Variants in BZW1 observed in about 807,000 individuals in gnomAD.
The protein encoded by BZW1 is eIF5-mimic protein 2.
In BZW1, 3 loss-of-function variants were observed where a neutral mutation model predicts 54.1. That is an observed-to-expected ratio of 0.06 (90% CI 0.03 to 0.14). BZW1 has a LOEUF of 0.14. Among genes scored for constraint, BZW1 ranks in the 10% least tolerant of loss-of-function variants. The pLI, the probability that BZW1 is intolerant of heterozygous loss-of-function variation, is 1.00. For missense variants in BZW1, 206 were observed against 491.7 expected (o/e 0.42, Z 5.50); for synonymous variants, 152 against 162.7 (o/e 0.93, Z 0.50).
In BZW1 at chr2:200,826,393, ATAGATAGATAGATATTTTTTTTTT is replaced by A. The variant is rs2038692397; in HGVS notation, c.*4217_*4240del. The A allele has an allele frequency of 8.8e-6, 1 of 113,082 alleles. No individual in the cohort carries two copies. Among genetic ancestry groups the A allele is most frequent in the African/African-American group, 3.6e-5 (1 of 27,794 alleles). 7.0% of individuals were successfully genotyped at this position (113,082 alleles called of 1,614,324 possible). A position where few individuals can be genotyped will look rare whatever the true frequency, so the allele number is the denominator to read the frequency against. ...AAGATATAGATAGATAGATAGATAGATAGATAGATAGATATTTTTTTTTTTTTTTTTTTTTTTTTTTTTTTTTTT... is the reference window on the plus strand; with the variant it reads ...AAGATATAGATAGATAGATAGATAGATTTTTTTTTTTTTTTTTTTTTTTTT... On this transcript the variant is annotated 3_prime_UTR_variant, in exon 12 of 12. Coordinates refer to ENST00000409600, the MANE Select transcript of BZW1 (RefSeq NM_001207067.2).
rs1559318410 is a variant in BZW1, at chr2:200,826,408, T to TAGA, written c.*4230_*4231insAGA. 6.1e-3 allele frequency: 203 copies of TAGA among 33,102 alleles called. 4 individuals are homozygous for TAGA. Among genetic ancestry groups the TAGA allele is most frequent in the Admixed American group, 0.028 (89 of 3,138 alleles). 2.1% of individuals were successfully genotyped at this position (33,102 alleles called of 1,614,324 possible). The stretch of plus-strand genomic sequence containing the variant: ...AGATAGATAGATAGATAGATAGATA[T>TAGA]TTTTTTTTTTTTTTTTTTTTTTTTT... On this transcript the variant is annotated 3_prime_UTR_variant, in exon 12 of 12. Coordinates refer to ENST00000409600, the MANE Select transcript of BZW1 (RefSeq NM_001207067.2).
In BZW1 at chr2:200,823,789, G is replaced by A. The variant is rs1295876985; in HGVS notation, c.*1611G>A. On this transcript the variant is annotated 3_prime_UTR_variant, in exon 12 of 12. Coordinates refer to ENST00000409600, the MANE Select transcript of BZW1 (RefSeq NM_001207067.2). ...ATCTGCTTTTACTTTGTAATTTGTA[G>A]TTCTCAAAAGACTTTTTTTTAAAAA... 1 of 151,122 alleles carries A rather than the reference G, an allele frequency of 6.6e-6. No individual in the cohort carries two copies. The highest frequency in any genetic ancestry group is 6.6e-5 in the Admixed American group (1 of 15,116). 9.4% of individuals were successfully genotyped at this position (151,122 alleles called of 1,614,324 possible). A position where few individuals can be genotyped will look rare whatever the true frequency, so the allele number is the denominator to read the frequency against.
intron 5 of BZW1, 95 bp from the exon 6 acceptor site, chr2:200,817,011 A>G: frequency 7.1e-7 from 1 of 1,411,002 alleles, no homozygotes; most frequent in Non-Finnish European, 9.6e-7. Flanking sequence ...CCCAGAGCCC[A>G]CGTATTGAAC....
Position 200,815,359 on chromosome 2 carries a change from A to C in BZW1, c.83A>C (p.Asp28Ala). ...TRKRDEKERF[D>A]PTQFQDCIIQ... ...CCCCCAGATGAAAAAGAGAGGTTTG[A>C]CCCTACTCAGTTTCAAGACTGTATT... Residue 28 changes from aspartate to alanine, a missense_variant, in exon 3 of 12, where the codon GAC (aspartate) becomes GCC (alanine). Physicochemically the swap from Asp to Ala is moderately radical, Grantham distance 126. Coordinates refer to ENST00000409600, the MANE Select transcript of BZW1 (RefSeq NM_001207067.2). 1 of 1,610,994 alleles carries C rather than the reference A, an allele frequency of 6.2e-7. No homozygotes were observed. The highest frequency in any genetic ancestry group is 8.5e-7 in the Non-Finnish European group (1 of 1,178,378).
chr2:200,816,195 C>A (rs977273616), intron 4 of BZW1, 130 bp from the exon 5 acceptor site: 7 of 554,270 alleles, frequency 1.3e-5, no homozygotes, highest in African/African-American at 1.9e-5. Flanking sequence ...CCTGGACATT[C>A]TTATGTGTCA....
At chr2:200,813,045 G>C in intron 1 of BZW1, 163 bp from the exon 2 acceptor site, 1 of 695,684 alleles carries the variant, frequency 1.4e-6, no homozygotes. Flanking sequence ...TTTGATTCAA[G>C]TGCAGGTAAT....
chr2:200,812,271 G>C, intron 1 of BZW1: 1 of 1,232,362 alleles, frequency 8.1e-7, no homozygotes. Flanking sequence ...GCCGTGCCCG[G>C]CCTGGCTAAC....
In BZW1 at chr2:200,818,354, A is replaced by T; in HGVS notation, c.780A>T (p.Glu260Asp). ...TIGARKELQK[E>D]LQEQMSRGDP... ...GAGCTCGTAAGGAGCTCCAGAAAGA[A>T]CTTCAAGAACAGATGTCCCGTGGTG... Residue 260 changes from glutamate (E) to aspartate (D), a missense_variant, in exon 8 of 12, where the codon GAA becomes GAT. Coordinates refer to ENST00000409600, the MANE Select transcript of BZW1 (RefSeq NM_001207067.2). 6.3e-7 allele frequency: 1 copy of T among 1,598,840 alleles called. No individual in the cohort carries two copies. The highest frequency in any genetic ancestry group is 8.5e-7 in the Non-Finnish European group (1 of 1,176,582).
intron 11 of BZW1, among the ~76,000 whole-genome samples, chr2:200,821,751 A>G (rs541183949): frequency 6.6e-6 from 1 of 152,226 alleles, no homozygotes; most frequent in East Asian, 1.9e-4. Context: ...TAAATAGGTT[A>G]TTAATAAAAT....
chr2:200,815,158 A>C (rs1166321670), intron 2 of BZW1, among the ~76,000 whole-genome samples, 183 bp from the exon 3 acceptor site: 1 of 152,260 alleles, frequency 6.6e-6, no homozygotes, highest in Non-Finnish European at 1.5e-5. Context: ...TTGTGAAATT[A>C]TTTGAAAAGT....
rs1392420070 is a variant in BZW1 at position 200,827,166 on chromosome 2, G to A, written c.*4988G>A. 2 of 152,100 alleles carry A rather than the reference G, an allele frequency of 1.3e-5. No homozygotes were observed. The highest frequency in any genetic ancestry group is 2.9e-5 in the Non-Finnish European group (2 of 68,016). The allele number at this position is 152,100 out of a possible 1,614,324, so 9.4% of individuals were successfully genotyped here. On this transcript the variant is annotated 3_prime_UTR_variant, in exon 12 of 12. Coordinates refer to ENST00000409600, the MANE Select transcript of BZW1 (RefSeq NM_001207067.2). ...ACGGCACACAGAATGGAGAAAACTG[G>A]ATAGCTGGTAACTCATTTAGCTCTT...
chr2:200,821,359 A>C, intron 11 of BZW1, 54 bp downstream of exon 11: 4 of 1,596,370 alleles, frequency 2.5e-6, no homozygotes, highest in Non-Finnish European at 2.6e-6. Context: ...TAATGTGGCC[A>C]TAATATATCT....
intron 5 of BZW1, 32 bp downstream of exon 5, chr2:200,816,422 A>G (rs1187835531): frequency 7.0e-7 from 1 of 1,424,178 alleles, no homozygotes; most frequent in Non-Finnish European, 9.7e-7. Context: ...GTGGAAAAGA[A>G]AAAAATAGGG....
At chr2:200,818,470 T>C in intron 8 of BZW1, 77 bp downstream of exon 8, 1 of 1,482,172 alleles carries the variant, frequency 6.7e-7, no homozygotes, top group Non-Finnish European at 9.2e-7. Context: ...GGAACTTACT[T>C]CACCAGGATG....
upstream of BZW1, chr2:200,811,768 C>G (rs1054071738): frequency 1.3e-5 from 2 of 155,090 alleles, no homozygotes; most frequent in African/African-American, 4.8e-5. Context: ...CTCCCCTCCC[C>G]TATCCCAGTC....
rs1559318459 is a variant in BZW1, at chr2:200,826,420, T to TGATAGATAGATAGATAGATAGA, written c.*4242_*4243insGATAGATAGATAGATAGATAGA. ...AGATAGATAGATATTTTTTTTTTTTTTTTTTTTTTTTTTTTTTTTTTTGAG... is the reference window on the plus strand; with the variant it reads ...AGATAGATAGATATTTTTTTTTTTTTGATAGATAGATAGATAGATAGATTTTTTTTTTTTTTTTTTTTTTGAG... On this transcript the variant is annotated 3_prime_UTR_variant, in exon 12 of 12. Coordinates refer to ENST00000409600, the MANE Select transcript of BZW1 (RefSeq NM_001207067.2). 173 of 62,968 alleles carry TGATAGATAGATAGATAGATAGA rather than the reference T, an allele frequency of 2.7e-3. 5 individuals carry two copies. The highest frequency in any genetic ancestry group is 0.014 in the Middle Eastern group (2 of 144). 3.9% of individuals were successfully genotyped at this position (62,968 alleles called of 1,614,324 possible).
chr2:200,811,899 C>T (rs920728302), upstream of BZW1: 1 of 214,230 alleles, frequency 4.7e-6, no homozygotes, highest in Non-Finnish European at 9.2e-6. Flanking sequence ...CCTCTCCCTC[C>T]TCCTGGCGTT....
chr2:200,826,937 C>T lies in BZW1; in HGVS notation c.*4759C>T, dbSNP rs2038717191. 1 of 148,014 alleles carries T rather than the reference C, an allele frequency of 6.8e-6. No individual in the cohort carries two copies. Among genetic ancestry groups the T allele is most frequent in the African/African-American group, 2.6e-5 (1 of 38,420 alleles). 9.2% of individuals were successfully genotyped at this position (148,014 alleles called of 1,614,324 possible). On this transcript the variant is annotated 3_prime_UTR_variant, in exon 12 of 12. Transcript: ENST00000409600. ...TATTCTTAAGGACAAAAATAGTTTACAGCTTTTTTTTTTTTAATCTGAAAT... is the reference window on the plus strand; with the variant it reads ...TATTCTTAAGGACAAAAATAGTTTATAGCTTTTTTTTTTTTAATCTGAAAT...
intron 2 of BZW1, 39 bp downstream of exon 2, chr2:200,813,320 A>G (rs2038159383): frequency 2.6e-6 from 4 of 1,547,292 alleles, no homozygotes; most frequent in South Asian, 1.1e-5. Context: ...TCAAACCTCC[A>G]GAACATCTTG....
Sources: allele counts gnomAD v4.1 joint callset (sites outside exome capture counted in the v4.1 genomes callset), GRCh38; gene constraint gnomAD v4.1.1; transcripts MANE v1.5; gene names NCBI Gene and HGNC (gene_info 2026-07-23, HGNC 2026-07-21).